Variants in ANXA8 observed in about 807,000 individuals in gnomAD.
ANXA8 encodes annexin A8, also known as VAC-beta.
A neutral mutation model predicts 26.8 loss-of-function variants in ANXA8; 9 were observed. The ratio of observed to expected loss-of-function variants is 0.34; its 90% CI spans 0.20 to 0.59. The LOEUF (loss-of-function observed/expected upper bound fraction) is 0.59, where lower values mean the gene tolerates loss of function less well. Among genes scored for constraint, ANXA8 ranks in the 20% least tolerant of loss-of-function variants. The pLI is 0.84. For synonymous variants in ANXA8, 39 were observed against 94.8 expected, an observed-to-expected ratio of 0.41 and a Z score of 3.42; for missense variants, 83 against 238.5, an observed-to-expected ratio of 0.35 and a Z score of 4.29.
the ANXA8 span, among the ~76,000 whole-genome samples, chr10:47,622,165 G>A: frequency 6.2e-5 from 7 of 112,726 alleles, 1 homozygote; most frequent in Non-Finnish European, 1.4e-4. Context: ...ATGATTCTGG[G>A]AAGCAGCATT....
At chr10:47,679,042 CAAA>C in the ANXA8 span, among the ~76,000 whole-genome samples, 16 of 65,102 alleles carry the variant, frequency 2.5e-4, no homozygotes, top group East Asian at 1.6e-3. Flanking sequence ...GAACCTATCT[CAAA>C]AAAAAAAAAA....
At chr10:47,572,133 T>C in the ANXA8 span, among the ~76,000 whole-genome samples, 1 of 105,746 alleles carries the variant, frequency 9.5e-6, no homozygotes, top group Non-Finnish European at 1.9e-5. Context: ...CTTTGTCTAG[T>C]CTTTGTATCC....
the ANXA8 span, among the ~76,000 whole-genome samples, chr10:47,694,049 C>G: frequency 1.3e-5 from 2 of 151,570 alleles, no homozygotes; most frequent in African/African-American, 2.4e-5. Context: ...TTCCGTTTTC[C>G]TAGGTAGGTG....
upstream of ANXA8, among the ~76,000 whole-genome samples, chr10:47,485,384 T>C (rs1840016327): frequency 6.6e-6 from 1 of 151,818 alleles, no homozygotes; most frequent in African/African-American, 2.4e-5. Flanking sequence ...CTTGTGCTTC[T>C]GAGCTTGCGT....
the ANXA8 span, among the ~76,000 whole-genome samples, chr10:47,621,445 A>T: frequency 9.0e-6 from 1 of 111,658 alleles, no homozygotes; most frequent in African/African-American, 3.5e-5. Flanking sequence ...AGAGAGGAAG[A>T]TACACTAGCA....
chr10:47,687,312 G>C, the ANXA8 span, among the ~76,000 whole-genome samples: 1 of 150,762 alleles, frequency 6.6e-6, no homozygotes. Flanking sequence ...ACCCAGGCTG[G>C]AGTGCTGGAG....
chr10:47,744,438 A>AAGGGGGGGGGGGGGGGGAGGGGGGG, the ANXA8 span, among the ~76,000 whole-genome samples: 1 of 15,062 alleles, frequency 6.6e-5, no homozygotes, highest in African/African-American at 3.5e-4. Flanking sequence ...GGGAGGGGGG[A>AAGGGGGGGGGGGGGGGGAGGGGGGG]AGAGGGGGGG....
At chr10:47,555,258 A>G in the ANXA8 span, among the ~76,000 whole-genome samples, 3 of 151,614 alleles carry the variant, frequency 2.0e-5, no homozygotes, top group Admixed American at 6.6e-5. Flanking sequence ...CCCAGCACCT[A>G]AGGAAGTATT....
chr10:47,585,635 C>T, the ANXA8 span, among the ~76,000 whole-genome samples: 1 of 145,358 alleles, frequency 6.9e-6, no homozygotes, highest in East Asian at 1.9e-4. Flanking sequence ...AAGTATAAAC[C>T]ACCAGACTGC....
the ANXA8 span, among the ~76,000 whole-genome samples, chr10:47,686,547 C>T: frequency 6.6e-6 from 1 of 151,888 alleles, no homozygotes; most frequent in Non-Finnish European, 1.5e-5. Flanking sequence ...TTTGTTTTTC[C>T]TCTCAGAAAT....
chr10:47,659,136 G>A, the ANXA8 span, among the ~76,000 whole-genome samples: 2 of 151,872 alleles, frequency 1.3e-5, no homozygotes, highest in African/African-American at 4.9e-5. Context: ...CTCCCAAAGT[G>A]CTGGGATTAC....
chr10:47,554,711 G>A, the ANXA8 span, among the ~76,000 whole-genome samples: 79 of 151,648 alleles, frequency 5.2e-4, no homozygotes, highest in East Asian at 0.012. Flanking sequence ...CCAGGCTTCA[G>A]GTCCTGTCAC....
chr10:47,553,197 ATT>A, the ANXA8 span: 1 of 151,930 alleles, frequency 6.6e-6, no homozygotes, highest in African/African-American at 2.4e-5. Context: ...GGGTCAACAG[ATT>A]CGGCTCAGGT....
chr10:47,647,154 T>G, the ANXA8 span, among the ~76,000 whole-genome samples: 2 of 152,256 alleles, frequency 1.3e-5, no homozygotes, highest in African/African-American at 4.8e-5. Flanking sequence ...TTCATAATGC[T>G]TCTTGCATTA....
At chr10:47,559,634 T>G in the ANXA8 span, among the ~76,000 whole-genome samples, 3 of 151,892 alleles carry the variant, frequency 2.0e-5, no homozygotes, top group African/African-American at 7.3e-5. Context: ...CACTTTAAAA[T>G]TTTTTGTTTT....
chr10:47,913,978 C>A, the ANXA8 span, among the ~76,000 whole-genome samples: 1 of 12,440 alleles, frequency 8.0e-5, no homozygotes, highest in African/African-American at 3.5e-4. Context: ...TGAAATTTTG[C>A]AGTACCTGTC....
At chr10:47,580,840 C>T in the ANXA8 span, among the ~76,000 whole-genome samples, 4 of 149,892 alleles carry the variant, frequency 2.7e-5, no homozygotes, top group South Asian at 2.1e-4. Context: ...TTTAGGAGGC[C>T]GACGCAGGTG....
chr10:47,517,235 T>C, the ANXA8 span, among the ~76,000 whole-genome samples: 1 of 111,880 alleles, frequency 8.9e-6, no homozygotes, highest in Non-Finnish European at 1.8e-5. Context: ...ATTTTTGTTC[T>C]TTCATTAAAA....
the ANXA8 span, among the ~76,000 whole-genome samples, chr10:47,514,098 G>A: frequency 1.4e-5 from 2 of 141,412 alleles, no homozygotes; most frequent in Non-Finnish European, 3.1e-5. Context: ...CAACCACAGA[G>A]TGGGAGGAAA....
Sources: gnomAD v4.1 joint callset for allele counts (sites outside exome capture counted in the v4.1 genomes callset) on GRCh38, gnomAD v4.1.1 for gene constraint, MANE v1.5 for transcripts, NCBI Gene and HGNC (gene_info 2026-07-23, HGNC 2026-07-21) for gene names.